Variants in RBFOX1 observed in about 807,000 individuals in gnomAD.
RBFOX1 encodes the protein RNA binding fox-1 homolog 1.
In RBFOX1, 8 loss-of-function variants were observed where a neutral mutation model predicts 57.7. The observed-to-expected ratio is 0.14, with a 90% CI of 0.08 to 0.25. The LOEUF (loss-of-function observed/expected upper bound fraction) is 0.25, where lower values mean the gene tolerates loss of function less well. RBFOX1 is among the 10% of genes least tolerant of loss of function. RBFOX1 has a pLI of 1.00. For missense variants in RBFOX1, 611 were observed against 548.5 expected (o/e 1.11, Z -1.14); for synonymous variants, 326 against 222.4 (o/e 1.47, Z -4.15).
At chr16:6,274,197 T>TGGG (rs2075543899) in intron 1 of RBFOX1, among the ~76,000 whole-genome samples, 1 of 152,202 alleles carries the variant, frequency 6.6e-6, no homozygotes, top group African/African-American at 2.4e-5. Flanking sequence ...ATTGCCTTCC[T>TGGG]GGGCATTTAT....
At chr16:7,565,551 T>A (rs984896002) in intron 5 of RBFOX1, among the ~76,000 whole-genome samples, 2 of 152,212 alleles carry the variant, frequency 1.3e-5, no homozygotes, top group Non-Finnish European at 2.9e-5. Flanking sequence ...CCAGCATTAC[T>A]GGCTAAATCA....
At position 7,074,612 on chromosome 16, in the gene RBFOX1, G is replaced by C. The variant is rs140356340; in HGVS notation, c.27+22514G>C. Among the ~76,000 whole-genome samples, 1,008 of 152,188 alleles carry C rather than the reference G, an allele frequency of 6.6e-3. 14 individuals carry two copies. The highest frequency in any genetic ancestry group is 0.023 in the African/African-American group (954 of 41,528). Reference sequence around the variant, plus strand: ...TCAAGCATTTAAATACATATAATTGGATTTCTGAATGGAGAGAAGAGACAG... The same window carrying C: ...TCAAGCATTTAAATACATATAATTGCATTTCTGAATGGAGAGAAGAGACAG... On this transcript the variant is annotated intron_variant, in intron 4 of 15. Coordinates refer to ENST00000550418, the MANE Select transcript of RBFOX1 (RefSeq NM_018723.4).
intron 4 of RBFOX1, among the ~76,000 whole-genome samples, chr16:7,131,640 G>T (rs938748240): frequency 6.6e-6 from 1 of 151,792 alleles, no homozygotes; most frequent in African/African-American, 2.4e-5. Flanking sequence ...GTTGGGCCCA[G>T]ATGAGATAGG....
intron 2 of RBFOX1, among the ~76,000 whole-genome samples, chr16:6,446,801 G>C (rs557584058): frequency 6.6e-6 from 1 of 152,254 alleles, no homozygotes; most frequent in East Asian, 1.9e-4. Context: ...GAAAACCAAA[G>C]AGAGAGGTGT....
At chr16:5,299,540 G>C (rs4238856) in intron 1 of RBFOX1, among the ~76,000 whole-genome samples, 123,558 of 152,190 alleles carry the variant, frequency 0.81, 50,289 homozygotes, top group East Asian at 0.93. Flanking sequence ...TCACCATTCT[G>C]ACAAGCCACG....
intron 2 of RBFOX1, among the ~76,000 whole-genome samples, chr16:6,526,331 G>A (rs2096577213): frequency 6.6e-6 from 1 of 152,138 alleles, no homozygotes. Flanking sequence ...TGGGAGAGGT[G>A]TTAATACCAA....
At chr16:7,348,516 C>T (rs2097062311) in intron 4 of RBFOX1, among the ~76,000 whole-genome samples, 1 of 152,186 alleles carries the variant, frequency 6.6e-6, no homozygotes, top group Non-Finnish European at 1.5e-5. Flanking sequence ...CCCTCTCCTT[C>T]AGCCCATGGC....
intron 3 of RBFOX1, among the ~76,000 whole-genome samples, chr16:6,795,697 C>T (rs2083853749): frequency 6.6e-6 from 1 of 151,018 alleles, no homozygotes; most frequent in Non-Finnish European, 1.5e-5. Flanking sequence ...AACCAGAAGG[C>T]AGAGGTTGCA....
intron 3 of RBFOX1, among the ~76,000 whole-genome samples, chr16:5,611,027 C>G (rs561753755): frequency 6.6e-6 from 1 of 152,318 alleles, no homozygotes; most frequent in African/African-American, 2.4e-5. Flanking sequence ...CTGTGTCTCT[C>G]TACAGCCTAG....
chr16:5,913,880 A>G (rs1253725181), intron 4 of RBFOX1, among the ~76,000 whole-genome samples: 3 of 152,232 alleles, frequency 2.0e-5, no homozygotes, highest in African/African-American at 7.2e-5. Flanking sequence ...GGATATATGA[A>G]TGACATCTTT....
chr16:5,878,226 G>A (rs1254865015), intron 4 of RBFOX1, among the ~76,000 whole-genome samples: 1 of 152,184 alleles, frequency 6.6e-6, no homozygotes, highest in Admixed American at 6.5e-5. Flanking sequence ...GGATGATAAT[G>A]ATAACAGTGA....
At chr16:7,171,506 C>G (rs913287572) in intron 4 of RBFOX1, among the ~76,000 whole-genome samples, 2 of 152,170 alleles carry the variant, frequency 1.3e-5, no homozygotes, top group African/African-American at 4.8e-5. Flanking sequence ...CAGTGTGAAT[C>G]CTTAATGTGA....
At chr16:6,501,827 A>T (rs931482942) in intron 2 of RBFOX1, among the ~76,000 whole-genome samples, 1 of 123,672 alleles carries the variant, frequency 8.1e-6, no homozygotes, top group African/African-American at 2.9e-5. Flanking sequence ...ACTGGGGGGA[A>T]ATTCTTCTTG....
At chr16:6,752,831 A>G (rs75564204) in intron 3 of RBFOX1, among the ~76,000 whole-genome samples, 9 of 134,594 alleles carry the variant, frequency 6.7e-5, no homozygotes, top group African/African-American at 2.5e-4. Flanking sequence ...TTTTTTTTTT[A>G]GCAGGGTTCT....
intron 10 of RBFOX1, among the ~76,000 whole-genome samples, chr16:7,628,235 G>T (rs576804010): frequency 1.3e-5 from 2 of 152,110 alleles, no homozygotes; most frequent in Admixed American, 1.3e-4. Context: ...TTTAAACCAG[G>T]CGTGCACAGG....
chr16:7,010,269 C>T (rs547049621), intron 3 of RBFOX1, among the ~76,000 whole-genome samples: 1 of 152,224 alleles, frequency 6.6e-6, no homozygotes, highest in African/African-American at 2.4e-5. Context: ...TCTCCAGGAC[C>T]AAGAGAAAAC....
chr16:6,319,521 T>C (rs75792940), intron 2 of RBFOX1, among the ~76,000 whole-genome samples: 1 of 152,276 alleles, frequency 6.6e-6, no homozygotes, highest in African/African-American at 2.4e-5. Context: ...ATTGTGTAAA[T>C]TGGAGAAAGA....
chr16:7,386,793 G>A (rs1336064849), intron 4 of RBFOX1, among the ~76,000 whole-genome samples: 1 of 152,072 alleles, frequency 6.6e-6, no homozygotes, highest in African/African-American at 2.4e-5. Flanking sequence ...TATCCTTGAG[G>A]AATCGCCACA....
intron 3 of RBFOX1, among the ~76,000 whole-genome samples, chr16:5,673,758 C>T (rs1003236717): frequency 1.3e-5 from 2 of 152,234 alleles, no homozygotes; most frequent in Non-Finnish European, 2.9e-5. Context: ...CTTACAAATA[C>T]GTATACACAT....
Sources: allele counts gnomAD v4.1 joint callset (sites outside exome capture counted in the v4.1 genomes callset), GRCh38; gene constraint gnomAD v4.1.1; transcripts MANE v1.5; gene names NCBI Gene and HGNC (gene_info 2026-07-23, HGNC 2026-07-21).